The following CADPS2 variants were observed in gnomAD, a reference collection of about 807,000 sequenced individuals.
CADPS2 encodes the protein calcium dependent secretion activator 2.
CADPS2 carries 93 observed loss-of-function variants against 172.5 expected under a neutral mutation model. The observed-to-expected ratio is 0.54, with a 90% CI of 0.46 to 0.64. The LOEUF is 0.64. CADPS2 is among the 30% of genes least tolerant of loss of function. CADPS2 has a pLI of 0.00. For missense variants in CADPS2, 1,420 were observed against 1,565.9 expected (o/e 0.91, Z 1.57); for synonymous variants, 546 against 555.2 (o/e 0.98, Z 0.23).
At chr7:122,484,598 A>C (rs962557517) in intron 11 of CADPS2, among the ~76,000 whole-genome samples, 1 of 152,096 alleles carries the variant, frequency 6.6e-6, no homozygotes, top group African/African-American at 2.4e-5. Flanking sequence ...AAGATCCTTT[A>C]GTTATAACAT....
At position 122,624,204 on chromosome 7, in the gene CADPS2, T is replaced by A. The variant is rs550049484; in HGVS notation, c.868-2487A>T. ...CTGTATATCAGACAAATGTACATTT[T>A]AAATTTGTTGTTTTAAACTAGAATT... On this transcript the variant is annotated intron_variant, in intron 4 of 29. Transcript: ENST00000449022. Among the ~76,000 whole-genome samples, 15 of 152,302 alleles carry A rather than the reference T, an allele frequency of 9.8e-5. No homozygotes were observed. In the South Asian group the frequency reaches 2.9e-3, roughly 29 times the overall value.
At chr7:122,810,003 A>C (rs1273017088) in intron 1 of CADPS2, among the ~76,000 whole-genome samples, 3 of 152,176 alleles carry the variant, frequency 2.0e-5, no homozygotes, top group Non-Finnish European at 4.4e-5. Context: ...AAAACAGTTC[A>C]TGGTGTATTC....
chr7:122,562,985 C>T (rs1263327670), intron 7 of CADPS2, among the ~76,000 whole-genome samples: 1 of 152,058 alleles, frequency 6.6e-6, no homozygotes. Flanking sequence ...CACAACCTAA[C>T]GATTAAGAAT....
intron 2 of CADPS2, among the ~76,000 whole-genome samples, chr7:122,710,406 A>C (rs1286353904): frequency 6.6e-6 from 1 of 152,234 alleles, no homozygotes; most frequent in African/African-American, 2.4e-5. Context: ...TTAAAGCACC[A>C]GGCCGTGTGA....
intron 3 of CADPS2, among the ~76,000 whole-genome samples, chr7:122,661,149 C>T (rs2080485950): frequency 6.6e-6 from 1 of 152,098 alleles, no homozygotes; most frequent in African/African-American, 2.4e-5. Context: ...TACAATAAAA[C>T]ATAACAATCC....
chr7:122,879,838 C>T (rs1232680152), intron 1 of CADPS2, among the ~76,000 whole-genome samples: 2 of 152,166 alleles, frequency 1.3e-5, no homozygotes, highest in African/African-American at 4.8e-5. Flanking sequence ...AAGTAAAAGG[C>T]TCCCAAATGC....
chr7:122,774,075 A>C (rs2093789409), intron 1 of CADPS2, among the ~76,000 whole-genome samples: 1 of 152,090 alleles, frequency 6.6e-6, no homozygotes, highest in Admixed American at 6.5e-5. Flanking sequence ...TCTTGCAAGC[A>C]TTTTAGATTT....
At chr7:122,532,543 C>G (rs1175831397) in intron 8 of CADPS2, among the ~76,000 whole-genome samples, 5 of 147,374 alleles carry the variant, frequency 3.4e-5, no homozygotes, top group African/African-American at 5.1e-5. Flanking sequence ...CCCCCACCCC[C>G]CTACCCCGCC....
At chr7:122,327,977 G>A (rs1260656696) in intron 28 of CADPS2, among the ~76,000 whole-genome samples, 2 of 151,500 alleles carry the variant, frequency 1.3e-5, no homozygotes, top group African/African-American at 2.4e-5. Flanking sequence ...GTATATTTTG[G>A]CTCCTAAGTC....
At chr7:122,354,326 CAGA>C (rs1223365442) in intron 27 of CADPS2, 1 of 152,044 alleles carries the variant, frequency 6.6e-6, no homozygotes, top group African/African-American at 2.4e-5. Flanking sequence ...CTCCATTTTA[CAGA>C]AGAAGAAACT....
At chr7:122,682,510 T>A (rs1056422861) in intron 2 of CADPS2, among the ~76,000 whole-genome samples, 1 of 152,210 alleles carries the variant, frequency 6.6e-6, no homozygotes, top group South Asian at 2.1e-4. Flanking sequence ...AGAAAATAAA[T>A]CTTAAAAATT....
intron 25 of CADPS2, among the ~76,000 whole-genome samples, chr7:122,377,343 G>T (rs1339628185): frequency 6.6e-6 from 1 of 152,040 alleles, no homozygotes; most frequent in African/African-American, 2.4e-5. Flanking sequence ...GTCTTACTTT[G>T]CCAGAAATGG....
At chr7:122,645,938 A>C (rs557037834) in intron 3 of CADPS2, among the ~76,000 whole-genome samples, 3 of 151,726 alleles carry the variant, frequency 2.0e-5, no homozygotes, top group Admixed American at 1.3e-4. Flanking sequence ...CTATTATTTT[A>C]AAATAATTAT....
At chr7:122,361,479 G>A (rs1379645936) in intron 25 of CADPS2, among the ~76,000 whole-genome samples, 3 of 151,906 alleles carry the variant, frequency 2.0e-5, no homozygotes, top group East Asian at 1.9e-4. Flanking sequence ...TGATCCACCC[G>A]CCTTGGCCTC....
intron 2 of CADPS2, among the ~76,000 whole-genome samples, chr7:122,693,865 G>A (rs977079981): frequency 2.6e-5 from 4 of 152,280 alleles, no homozygotes; most frequent in African/African-American, 9.6e-5. Context: ...TTGGGAGGCT[G>A]AGGAAGGAGA....
intron 25 of CADPS2, among the ~76,000 whole-genome samples, chr7:122,364,635 G>T (rs190887111): frequency 4.8e-4 from 72 of 151,468 alleles, no homozygotes; most frequent in African/African-American, 2.4e-5. Context: ...ACTGAGGCAG[G>T]AGAATGGTGT....
At chr7:122,619,962 C>T (rs989522814) in intron 5 of CADPS2, among the ~76,000 whole-genome samples, 32 of 152,070 alleles carry the variant, frequency 2.1e-4, no homozygotes, top group Non-Finnish European at 4.4e-5. Context: ...AATCCATTAA[C>T]CTACAAATAA....
At chr7:122,328,903 A>G (rs185376649) in intron 28 of CADPS2, among the ~76,000 whole-genome samples, 1 of 152,174 alleles carries the variant, frequency 6.6e-6, no homozygotes, top group Non-Finnish European at 1.5e-5. Flanking sequence ...AAAACAGAAC[A>G]TCAGTCTAAT....
At chr7:122,565,950 C>G (rs1456141150) in intron 7 of CADPS2, among the ~76,000 whole-genome samples, 1 of 152,104 alleles carries the variant, frequency 6.6e-6, no homozygotes, top group African/African-American at 2.4e-5. Flanking sequence ...CCCCTCCATG[C>G]CTATGACCCT....
Sources: allele counts gnomAD v4.1 joint callset (sites outside exome capture counted in the v4.1 genomes callset), GRCh38; gene constraint gnomAD v4.1.1; transcripts MANE v1.5; gene names NCBI Gene and HGNC (gene_info 2026-07-23, HGNC 2026-07-21).